The following AXDND1 variants were observed in gnomAD, a reference collection of about 807,000 sequenced individuals.
The protein encoded by AXDND1 is axonemal dynein light chain domain-containing protein 1.
AXDND1 carries 110 observed loss-of-function variants against 137.5 expected under a neutral mutation model. The observed-to-expected ratio is 0.80, with a 90% confidence interval of 0.69 to 0.94. The LOEUF (loss-of-function observed/expected upper bound fraction) is 0.94, where lower values mean the gene tolerates loss of function less well. Among genes scored for constraint, AXDND1 ranks in the 40% least tolerant of loss-of-function variants. The probability of loss-of-function intolerance (pLI) is 0.00; values close to 1 mark genes in which losing one functional copy is unlikely to be tolerated. For synonymous variants in AXDND1, 414 were observed against 399.7 expected (o/e 1.04, Z -0.43); for missense variants, 1,191 against 1,169.8 (o/e 1.02, Z -0.26).
intron 4 of AXDND1, among the ~76,000 whole-genome samples, chr1:179,374,538 C>A (rs568210356): frequency 2.0e-5 from 3 of 152,054 alleles, no homozygotes; most frequent in Non-Finnish European, 2.9e-5. Context: ...ATGTTTATTG[C>A]GGCACTATTC....
chr1:179,421,040 CCTTCCTTCCTTCCTT>C (rs1558153122), intron 12 of AXDND1, among the ~76,000 whole-genome samples: 1 of 8,012 alleles, frequency 1.2e-4, no homozygotes, highest in Non-Finnish European at 3.3e-4. Flanking sequence ...GGTATCCCTT[CCTTCCTTCCTTCCTT>C]CCTTCCTTCC....
rs1671355490 is a variant in AXDND1 at position 179,534,757 on chromosome 1, A to G, written c.2826A>G (p.Ala942=). 1 of 1,591,274 alleles carries G rather than the reference A, an allele frequency of 6.3e-7. No individual in the cohort carries two copies. Among genetic ancestry groups the G allele is most frequent in the Non-Finnish European group, 8.5e-7 (1 of 1,174,642 alleles). Residue 942 remains alanine (A), a synonymous_variant, in exon 25 of 26, where the codon GCA becomes GCG. Coordinates refer to ENST00000367618, the MANE Select transcript of AXDND1 (RefSeq NM_144696.6). ...LLEVENRARQ[A]EEKFEDAYEK... The stretch of plus-strand genomic sequence containing the variant: ...AGGTTGAAAATAGAGCCAGACAGGC[A>G]GAGGAGAAGTTTGAAGATGCATATG...
chr1:179,494,372 G>T, intron 20 of AXDND1, among the ~76,000 whole-genome samples: 1 of 152,042 alleles, frequency 6.6e-6, no homozygotes, highest in Admixed American at 6.6e-5. Flanking sequence ...GTGTGTATTT[G>T]TAATCCATGT....
At chr1:179,406,666 A>G (rs754559454) in intron 11 of AXDND1, among the ~76,000 whole-genome samples, 27 of 152,144 alleles carry the variant, frequency 1.8e-4, no homozygotes, top group Non-Finnish European at 3.7e-4. Flanking sequence ...TGATGTAAGT[A>G]TAAGTACTCC....
At chr1:179,499,954 C>G (rs1384617438) in intron 20 of AXDND1, among the ~76,000 whole-genome samples, 4 of 152,098 alleles carry the variant, frequency 2.6e-5, no homozygotes, top group Non-Finnish European at 4.4e-5. Flanking sequence ...AAAAGATGCT[C>G]TAAGTATAGA....
At chr1:179,413,798 T>C (rs1394684548) in intron 12 of AXDND1, among the ~76,000 whole-genome samples, 3 of 152,242 alleles carry the variant, frequency 2.0e-5, no homozygotes, top group Non-Finnish European at 4.4e-5. Context: ...GTTCCATTTT[T>C]AGTTCTTTGA....
At chr1:179,517,474 C>A (rs183384779) in intron 21 of AXDND1, among the ~76,000 whole-genome samples, 1 of 152,352 alleles carries the variant, frequency 6.6e-6, no homozygotes, top group East Asian at 1.9e-4. Context: ...GGAGGCACCT[C>A]GCCCGATTCA....
At chr1:179,511,726 C>T (rs1248790302) in intron 21 of AXDND1, among the ~76,000 whole-genome samples, 3 of 151,822 alleles carry the variant, frequency 2.0e-5, no homozygotes, top group East Asian at 3.9e-4. Flanking sequence ...CAACATCTAC[C>T]GTTTCTTGAT....
chr1:179,443,819 C>T (rs935662449), intron 15 of AXDND1, among the ~76,000 whole-genome samples: 3 of 151,928 alleles, frequency 2.0e-5, no homozygotes, highest in Non-Finnish European at 4.4e-5. Flanking sequence ...TTTAAGGGGT[C>T]AGAGCTTGGA....
rs1407046835 is a variant in AXDND1, at chr1:179,488,907, G to A, written c.2092-2631G>A. Among the ~76,000 whole-genome samples the A allele has an allele frequency of 2.1e-5, 3 of 145,214 alleles. 1 individual carries two copies. The highest frequency in any genetic ancestry group is 4.5e-5 in the Non-Finnish European group (3 of 66,664). On this transcript the variant is annotated intron_variant, in intron 18 of 25. Coordinates refer to ENST00000367618, the MANE Select transcript of AXDND1 (RefSeq NM_144696.6). ...GTGCCACCACACCAGGCCAATTTTT[G>A]TATTTTTAGTAGAGACCAGGTTTCA...
intron 20 of AXDND1, among the ~76,000 whole-genome samples, chr1:179,506,466 C>T (rs1249861996): frequency 6.6e-6 from 1 of 152,188 alleles, no homozygotes; most frequent in Non-Finnish European, 1.5e-5. Context: ...TGCACAGTAG[C>T]TCACACCTGT....
At chr1:179,478,059 A>G (rs1461226991) in intron 17 of AXDND1, among the ~76,000 whole-genome samples, 1 of 152,148 alleles carries the variant, frequency 6.6e-6, no homozygotes, top group African/African-American at 2.4e-5. Flanking sequence ...GTGGGTTCTC[A>G]TGGTCTTGGG....
chr1:179,518,142 A>C (rs1378214148), intron 21 of AXDND1, among the ~76,000 whole-genome samples: 1 of 152,164 alleles, frequency 6.6e-6, no homozygotes, highest in East Asian at 1.9e-4. Context: ...TATTGAACTA[A>C]ATGTAATATG....
intron 12 of AXDND1, among the ~76,000 whole-genome samples, chr1:179,416,177 T>C (rs1406851378): frequency 6.6e-6 from 1 of 152,204 alleles, no homozygotes; most frequent in East Asian, 1.9e-4. Context: ...CACATGTGGA[T>C]ACTTGCAATC....
At chr1:179,522,134 G>T (rs889043700) in intron 21 of AXDND1, among the ~76,000 whole-genome samples, 14 of 151,986 alleles carry the variant, frequency 9.2e-5, no homozygotes, top group Admixed American at 5.9e-4. Flanking sequence ...ATGAATGTGT[G>T]TTGGAATCAA....
intron 8 of AXDND1, among the ~76,000 whole-genome samples, chr1:179,384,334 A>T (rs906748335): frequency 2.6e-5 from 4 of 152,164 alleles, no homozygotes; most frequent in Non-Finnish European, 4.4e-5. Flanking sequence ...ATACCCAGAT[A>T]TTCAGGATAT....
intron 12 of AXDND1, among the ~76,000 whole-genome samples, chr1:179,417,501 A>C (rs1654884065): frequency 6.6e-6 from 1 of 152,108 alleles, no homozygotes; most frequent in African/African-American, 2.4e-5. Flanking sequence ...TTAAGTCTTT[A>C]ATCCATTTTG....
chr1:179,482,775 C>A (rs1052409654), intron 17 of AXDND1, among the ~76,000 whole-genome samples: 7 of 151,794 alleles, frequency 4.6e-5, no homozygotes, highest in Non-Finnish European at 4.4e-5. Context: ...CACTATCATG[C>A]TGGAAGTCAT....
chr1:179,547,323 A>G (rs1362638512), intron 25 of AXDND1, among the ~76,000 whole-genome samples: 1 of 152,204 alleles, frequency 6.6e-6, no homozygotes, highest in Non-Finnish European at 1.5e-5. Flanking sequence ...TCACTGCCTC[A>G]GAAAAATGTA....
Sources: allele counts gnomAD v4.1 joint callset (sites outside exome capture counted in the v4.1 genomes callset), GRCh38; gene constraint gnomAD v4.1.1; transcripts MANE v1.5; gene names NCBI Gene and HGNC (gene_info 2026-07-23, HGNC 2026-07-21).